TASOR: variants seen among roughly 807,000 people sequenced by gnomAD.
TASOR encodes the protein transcription activation suppressor, also known as protein TASOR.
TASOR carries 53 observed loss-of-function variants against 178.6 expected under a neutral mutation model. The observed-to-expected ratio is 0.30, with a 90% CI of 0.24 to 0.37. TASOR has a LOEUF of 0.37. Ranked by LOEUF, TASOR falls within the 10% of genes least tolerant of loss-of-function variation. TASOR has a pLI of 1.00. For synonymous variants in TASOR, 713 were observed against 696.2 expected (o/e 1.02, Z -0.38); for missense variants, 1,815 against 1,971.4 (o/e 0.92, Z 1.50).
chr3:56,651,071 T>C (rs1188705781), intron 11 of TASOR, among the ~76,000 whole-genome samples: 1 of 152,114 alleles, frequency 6.6e-6, no homozygotes, highest in Non-Finnish European at 1.5e-5. Flanking sequence ...AAGATTCCTG[T>C]ATTTTAAGGG....
At chr3:56,630,721 T>C (rs1268969279) in intron 18 of TASOR, among the ~76,000 whole-genome samples, 1 of 152,054 alleles carries the variant, frequency 6.6e-6, no homozygotes, top group Non-Finnish European at 1.5e-5. Context: ...GGCGGGTGCC[T>C]GCAATCCCAG....
At chr3:56,625,634 C>T (rs1053384100) in intron 21 of TASOR, among the ~76,000 whole-genome samples, 6 of 151,956 alleles carry the variant, frequency 3.9e-5, no homozygotes, top group East Asian at 1.9e-4. Context: ...GCAACAAGAA[C>T]GAAACTCTGT....
chr3:56,633,904 G>A lies in TASOR; in HGVS notation c.2887C>T (p.Pro963Ser). ...VPPQEAFPND[P>S]RVINRQRSSD... ...CTTCTCTGTCTATTTATTACCCGGG[G>A]GTCGTTAGGAAAGGCCTCCTGTGGT... Residue 963 changes from proline to serine, a missense_variant, in exon 18 of 24, where the codon CCC becomes TCC. By Grantham distance (74) the Pro-to-Ser change is moderately conservative (BLOSUM62 -1). Around this residue, in one of 5 missense-constraint regions of TASOR, gnomAD observed 655 missense variants for 671.1 expected, o/e 0.98. Transcript: ENST00000683822. 3 of 1,576,022 alleles carry A rather than the reference G, an allele frequency of 1.9e-6. No individual in the cohort carries two copies. The highest frequency in any genetic ancestry group is 2.6e-6 in the Non-Finnish European group (3 of 1,159,980).
Position 56,621,552 on chromosome 3 carries a change from G to GGAGTT in TASOR, c.*1480_*1484dup, listed in dbSNP as rs1166996928. On this transcript the variant is annotated 3_prime_UTR_variant, in exon 24 of 24. Transcript: ENST00000683822. ...TTCAGGGCCTTCTCCAGAAGCAAAA[G>GGAGTT]GAGTTGGAAAGTAGTCTCCTGCCTT... is the stretch of plus-strand genomic sequence containing the variant. 6.9e-6 allele frequency: 11 copies of GGAGTT among 1,596,100 alleles called. No individual in the cohort carries two copies. The highest frequency in any genetic ancestry group is 2.2e-5 in the East Asian group (1 of 44,460).
chr3:56,638,888 G>A, intron 16 of TASOR, 123 bp from the exon 17 acceptor site: 2 of 876,170 alleles, frequency 2.3e-6, no homozygotes, highest in Non-Finnish European at 3.7e-6. Context: ...TAATCTGAAG[G>A]GTCATACTGG....
In TASOR at chr3:56,665,650, C is replaced by T. The variant is rs964760555; in HGVS notation, c.1022+610G>A. Among the ~76,000 whole-genome samples the T allele has an allele frequency of 1.6e-4, 24 of 152,016 alleles. 1 individual carries two copies. The highest frequency in any genetic ancestry group is 5.3e-4 in the African/African-American group (22 of 41,440). Reference sequence around the variant, plus strand: ...CTGGAATTACAGGCATGAGCCACTGCGCCTGGCCAAAATCTCACTTTTTAA... The same window carrying T: ...CTGGAATTACAGGCATGAGCCACTGTGCCTGGCCAAAATCTCACTTTTTAA... On this transcript the variant is annotated intron_variant, in intron 7 of 23. Coordinates refer to ENST00000683822, the MANE Select transcript of TASOR (RefSeq NM_001365635.2).
intron 13 of TASOR, among the ~76,000 whole-genome samples, chr3:56,647,738 C>T (rs1009713498): frequency 3.3e-5 from 5 of 152,156 alleles, no homozygotes; most frequent in Non-Finnish European, 7.3e-5. Context: ...GCTTAATACA[C>T]AGTATTAAAG....
chr3:56,642,984 A>C (rs2077158479), intron 14 of TASOR, among the ~76,000 whole-genome samples: 6 of 151,646 alleles, frequency 4.0e-5, no homozygotes, highest in Admixed American at 2.0e-4. Context: ...ACCAAAAAAA[A>C]AAATTCTATA....
intron 5 of TASOR, 75 bp downstream of exon 5, chr3:56,669,625 A>G (rs1033474054): frequency 1.1e-6 from 1 of 920,764 alleles, no homozygotes; most frequent in South Asian, 1.6e-5. Context: ...AATCTCCTAA[A>G]AACAGCATCA....
intron 14 of TASOR, among the ~76,000 whole-genome samples, chr3:56,642,548 C>T (rs954708537): frequency 6.6e-6 from 1 of 152,104 alleles, no homozygotes; most frequent in Non-Finnish European, 1.5e-5. Context: ...ATGTCAGAAA[C>T]AAAGGAGTGC....
chr3:56,663,034 G>A (rs2107614976), intron 8 of TASOR, among the ~76,000 whole-genome samples: 1 of 152,122 alleles, frequency 6.6e-6, no homozygotes, highest in Non-Finnish European at 1.5e-5. Flanking sequence ...CAAAAAATTA[G>A]CCGGGTGTGG....
chr3:56,671,386 T>G lies in TASOR; in HGVS notation c.570+214A>C. On this transcript the variant is annotated intron_variant, in intron 3 of 23. Coordinates refer to ENST00000683822, the MANE Select transcript of TASOR (RefSeq NM_001365635.2). ...AGAAAAGTATTATTATCAAGCACAT[T>G]CTAGGGGAAGAAAATAGGACTGGTC... The G allele has an allele frequency of 8.6e-6, 4 of 462,754 alleles. No individual in the cohort carries two copies. The South Asian group carries it at 1.6e-4, about 19-fold the overall frequency. The allele number at this position is 462,754 out of a possible 1,614,324, so 28.7% of individuals were successfully genotyped here.
Position 56,627,744 on chromosome 3 carries a change from G to A in TASOR, c.3871-3C>T, listed in dbSNP as rs1644761194. Reference sequence around the variant, plus strand: ...TTTAAAGTCACCAAGCCAGGTATCTGTTTAAATCCCAAAACAAAAAGAGAA... The same window carrying A: ...TTTAAAGTCACCAAGCCAGGTATCTATTTAAATCCCAAAACAAAAAGAGAA... On this transcript the variant is annotated splice_polypyrimidine_tract_variant and splice_region_variant and intron_variant, in intron 19 of 23. Coordinates refer to ENST00000683822, the MANE Select transcript of TASOR (RefSeq NM_001365635.2). The A allele has an allele frequency of 1.2e-6, 2 of 1,610,240 alleles. No individual in the cohort carries two copies. The highest frequency in any genetic ancestry group is 1.7e-6 in the Non-Finnish European group (2 of 1,179,004).
At chr3:56,648,588 G>A (rs997735338) in intron 13 of TASOR, among the ~76,000 whole-genome samples, 10 of 132,634 alleles carry the variant, frequency 7.5e-5, no homozygotes, top group Non-Finnish European at 1.4e-4. Flanking sequence ...CTGAGATCGC[G>A]CCCCTGCACT....
chr3:56,638,062 T>C (rs981533836), intron 17 of TASOR, among the ~76,000 whole-genome samples: 1 of 152,142 alleles, frequency 6.6e-6, no homozygotes, highest in Admixed American at 6.5e-5. Context: ...GGCTATTTTT[T>C]AAAAATTTAA....
At chr3:56,657,326 C>CAA (rs2077494145) in intron 11 of TASOR, among the ~76,000 whole-genome samples, 2 of 130,250 alleles carry the variant, frequency 1.5e-5, no homozygotes. Context: ...GGCTCTGTCT[C>CAA]GAAAAAAAAA....
At chr3:56,668,300 A>C (rs1411301106) in intron 6 of TASOR, 97 bp downstream of exon 6, 1 of 1,148,594 alleles carries the variant, frequency 8.7e-7, no homozygotes, top group African/African-American at 1.6e-5. Flanking sequence ...AGTCTAGACT[A>C]ATGTGGGGAC....
intron 14 of TASOR, among the ~76,000 whole-genome samples, chr3:56,642,725 A>C (rs1016056633): frequency 3.3e-5 from 5 of 152,190 alleles, no homozygotes; most frequent in Non-Finnish European, 7.3e-5. Flanking sequence ...CTATAATCCC[A>C]GCACTTTGGC....
chr3:56,627,823 T>C (rs1372945387), intron 19 of TASOR, 82 bp from the exon 20 acceptor site: 17 of 1,245,592 alleles, frequency 1.4e-5, no homozygotes, highest in Non-Finnish European at 1.7e-5. Context: ...CTACAAGAAG[T>C]CTAACAGAAT....
Sources: allele counts gnomAD v4.1 joint callset (sites outside exome capture counted in the v4.1 genomes callset), GRCh38; gene constraint gnomAD v4.1.1; regional missense constraint gnomAD v4.1.1; transcripts MANE v1.5; gene names NCBI Gene and HGNC (gene_info 2026-07-23, HGNC 2026-07-21).